Variants in CPEB3 observed in about 807,000 individuals in gnomAD.
CPEB3 encodes the protein cytoplasmic polyadenylation element-binding protein 3.
A neutral mutation model predicts 67.2 loss-of-function variants in CPEB3; 20 were observed. The ratio of observed to expected loss-of-function variants is 0.30; its 90% CI spans 0.21 to 0.43. The LOEUF (loss-of-function observed/expected upper bound fraction) is 0.43. CPEB3 is among the 20% of genes least tolerant of loss of function. The probability of loss-of-function intolerance (pLI) is 1.00; values close to 1 mark genes in which losing one functional copy is unlikely to be tolerated. For missense variants in CPEB3, 746 were observed against 968.6 expected, an observed-to-expected ratio of 0.77 and a Z score of 3.05; for synonymous variants, 376 against 393.1, an observed-to-expected ratio of 0.96 and a Z score of 0.51.
intron 2 of CPEB3, among the ~76,000 whole-genome samples, chr10:92,213,558 A>G (rs1331462124): frequency 1.3e-5 from 2 of 152,226 alleles, no homozygotes; most frequent in African/African-American, 2.4e-5. Context: ...AACAACAGGC[A>G]TAATATATCA....
At chr10:92,129,533 T>C (rs1359242354) in intron 6 of CPEB3, among the ~76,000 whole-genome samples, 1 of 152,204 alleles carries the variant, frequency 6.6e-6, no homozygotes, top group Admixed American at 6.5e-5. Flanking sequence ...GGGATTATTC[T>C]TATTGTTTAT....
intron 1 of CPEB3, among the ~76,000 whole-genome samples, chr10:92,274,209 A>G (rs554484169): frequency 6.6e-6 from 1 of 152,322 alleles, no homozygotes; most frequent in South Asian, 2.1e-4. Flanking sequence ...ATGCATGTGA[A>G]GGGCCCAACA....
Position 92,051,795 on chromosome 10 carries a change from ACT to A in CPEB3, c.*415_*416del, listed in dbSNP as rs1208222889. The A allele has an allele frequency of 6.4e-6, 1 of 157,324 alleles. No homozygotes were observed. The highest frequency in any genetic ancestry group is 1.4e-5 in the Non-Finnish European group (1 of 71,252). 9.7% of individuals were successfully genotyped at this position (157,324 alleles called of 1,614,324 possible). A position where few individuals can be genotyped will look rare whatever the true frequency, so the allele number is the denominator to read the frequency against. ...TTTGGTAAGTCTTGTCCTAGGGGCA[ACT>A]CTCTAAGTTTCTGAAAATAAGTGCA... On this transcript the variant is annotated 3_prime_UTR_variant, in exon 10 of 10. Transcript: ENST00000265997.
chr10:92,131,278 T>C (rs1008177595), intron 6 of CPEB3, among the ~76,000 whole-genome samples: 1 of 152,212 alleles, frequency 6.6e-6, no homozygotes, highest in Non-Finnish European at 1.5e-5. Flanking sequence ...AGCACTAATG[T>C]ACTATAGTTC....
At chr10:92,264,717 A>C (rs1852969407) in intron 1 of CPEB3, among the ~76,000 whole-genome samples, 1 of 145,202 alleles carries the variant, frequency 6.9e-6, no homozygotes, top group Non-Finnish European at 1.5e-5. Context: ...CTCCGTCTCA[A>C]AAAAAAAAAA....
At chr10:92,091,452 G>T (rs1843615342) in intron 8 of CPEB3, among the ~76,000 whole-genome samples, 1 of 151,240 alleles carries the variant, frequency 6.6e-6, no homozygotes, top group Non-Finnish European at 1.5e-5. Context: ...TTCATCACTG[G>T]AAAGGAACTT....
At chr10:92,256,881 T>A (rs1442811222) in intron 1 of CPEB3, among the ~76,000 whole-genome samples, 2 of 152,242 alleles carry the variant, frequency 1.3e-5, no homozygotes, top group Non-Finnish European at 2.9e-5. Context: ...CATCTGCCTT[T>A]CCTAGAAGAC....
intron 6 of CPEB3, among the ~76,000 whole-genome samples, chr10:92,132,396 C>A (rs1571176): frequency 0.28 from 41,785 of 151,878 alleles, 6,450 homozygotes; most frequent in Admixed American, 0.36. Context: ...ATGTCAATGT[C>A]AAAAGTAAAG....
At chr10:92,280,653 T>TG (rs1485333782) in intron 1 of CPEB3, among the ~76,000 whole-genome samples, 3 of 81,842 alleles carry the variant, frequency 3.7e-5, no homozygotes, top group Admixed American at 1.5e-4. Context: ...GGGCCGAGAG[T>TG]GAAAAAAAAA....
chr10:92,284,224 A>T (rs1309085505), intron 1 of CPEB3, among the ~76,000 whole-genome samples: 1 of 151,532 alleles, frequency 6.6e-6, no homozygotes, highest in Non-Finnish European at 1.5e-5. Context: ...TTTTTAGTAG[A>T]GACGGAGTTT....
At chr10:92,100,078 C>T (rs1226977996) in intron 7 of CPEB3, among the ~76,000 whole-genome samples, 1 of 151,122 alleles carries the variant, frequency 6.6e-6, no homozygotes, top group Non-Finnish European at 1.5e-5. Flanking sequence ...GAGGTTGCAG[C>T]GAGCTATGAT....
At chr10:92,056,612 T>G (rs570781189) in intron 9 of CPEB3, among the ~76,000 whole-genome samples, 1 of 152,310 alleles carries the variant, frequency 6.6e-6, no homozygotes, top group African/African-American at 2.4e-5. Flanking sequence ...CACTGTGGGC[T>G]ACAGTGCTCT....
chr10:92,177,516 T>G (rs1848275416), intron 4 of CPEB3, among the ~76,000 whole-genome samples: 1 of 152,214 alleles, frequency 6.6e-6, no homozygotes, highest in Non-Finnish European at 1.5e-5. Context: ...ATTAATAGAT[T>G]CATGGTCTTG....
At chr10:92,128,542 A>G (rs969403368) in intron 6 of CPEB3, among the ~76,000 whole-genome samples, 1 of 152,236 alleles carries the variant, frequency 6.6e-6, no homozygotes, top group African/African-American at 2.4e-5. Flanking sequence ...AAAAGAAACT[A>G]TCAAAAGAGT....
chr10:92,181,883 T>C (rs1022606936), intron 3 of CPEB3, among the ~76,000 whole-genome samples: 2 of 152,240 alleles, frequency 1.3e-5, no homozygotes, highest in Admixed American at 6.5e-5. Context: ...CTTCAACTAA[T>C]GGCCCCTAGG....
intron 1 of CPEB3, among the ~76,000 whole-genome samples, chr10:92,270,741 C>CT (rs112449876): frequency 0.68 from 100,633 of 148,962 alleles, 35,612 homozygotes; most frequent in African/African-American, 0.89. Context: ...TTCTGGGGTG[C>CT]TTTTTTTTTG....
At chr10:92,279,816 C>T (rs1842176673) in intron 1 of CPEB3, among the ~76,000 whole-genome samples, 1 of 152,066 alleles carries the variant, frequency 6.6e-6, no homozygotes, top group African/African-American at 2.4e-5. Context: ...TTGAGACCAG[C>T]CTGGACAACA....
At chr10:92,286,157 G>A (rs561673433) in intron 1 of CPEB3, among the ~76,000 whole-genome samples, 115 of 151,870 alleles carry the variant, frequency 7.6e-4, no homozygotes, top group African/African-American at 2.5e-3. Flanking sequence ...GGATGGTTTC[G>A]ATCTCCTGAC....
At chr10:92,074,839 T>C (rs2133163103) in intron 9 of CPEB3, among the ~76,000 whole-genome samples, 1 of 152,236 alleles carries the variant, frequency 6.6e-6, no homozygotes, top group East Asian at 1.9e-4. Flanking sequence ...GACTTGGAGA[T>C]GGGATAAAAG....
Sources: allele counts gnomAD v4.1 joint callset (sites outside exome capture counted in the v4.1 genomes callset), GRCh38; gene constraint gnomAD v4.1.1; transcripts MANE v1.5; gene names NCBI Gene and HGNC (gene_info 2026-07-23, HGNC 2026-07-21).